Variants in MON2 observed in about 807,000 individuals in gnomAD.
MON2 encodes the protein MON2 regulator of endosome-to-Golgi trafficking.
In MON2, 84 loss-of-function variants were observed where a neutral mutation model predicts 208.6. The observed-to-expected ratio is 0.40, with a 90% CI of 0.34 to 0.48. The LOEUF (loss-of-function observed/expected upper bound fraction) is 0.48, where lower values mean the gene tolerates loss of function less well. MON2 is among the 20% of genes least tolerant of loss of function. MON2 has a pLI of 0.59. For synonymous variants in MON2, 660 were observed against 694.0 expected (o/e 0.95, Z 0.77); for missense variants, 1,611 against 2,015.4 (o/e 0.80, Z 3.84).
At chr12:62,509,437 A>G (rs1330005736) in intron 8 of MON2, among the ~76,000 whole-genome samples, 2 of 152,194 alleles carry the variant, frequency 1.3e-5, no homozygotes, top group Non-Finnish European at 2.9e-5. Flanking sequence ...AACAGACAAT[A>G]TAATAATAGT....
chr12:62,585,728 C>A, intron 33 of MON2: 1 of 349,360 alleles, frequency 2.9e-6, no homozygotes. Flanking sequence ...GATTATGTAA[C>A]ATATGATACA....
chr12:62,474,086 C>T (rs1301760670), intron 1 of MON2, among the ~76,000 whole-genome samples: 1 of 151,486 alleles, frequency 6.6e-6, no homozygotes, highest in Admixed American at 6.6e-5. Context: ...TTTTCACATG[C>T]GTCAGTAGAA....
chr12:62,512,057 T>C (rs1373065948), intron 8 of MON2, among the ~76,000 whole-genome samples: 20 of 152,100 alleles, frequency 1.3e-4, no homozygotes, highest in Admixed American at 1.3e-3. Context: ...GGGAAAGACC[T>C]GCCTCCCATG....
chr12:62,538,217 G>A (rs1438708321), intron 17 of MON2, 35 bp from the exon 18 acceptor site: 2 of 1,609,574 alleles, frequency 1.2e-6, no homozygotes, highest in Admixed American at 1.7e-5. Context: ...GCATCCCAAA[G>A]TGTCATATAT....
At chr12:62,508,023 G>T (rs1352666087) in intron 7 of MON2, among the ~76,000 whole-genome samples, 1 of 151,982 alleles carries the variant, frequency 6.6e-6, no homozygotes, top group Non-Finnish European at 1.5e-5. Context: ...CTCCCACCTT[G>T]GGCTCCCAAA....
rs750788327 is a variant in MON2 at position 62,578,521 on chromosome 12, A to T, written c.4575+16A>T. 2 of 1,470,068 alleles carry T rather than the reference A, an allele frequency of 1.4e-6. No individual in the cohort carries two copies. Among genetic ancestry groups the T allele is most frequent in the Admixed American group, 4.1e-5 (2 of 49,170 alleles). The allele number at this position is 1,470,068 out of a possible 1,614,324, so 91.1% of individuals were successfully genotyped here. On this transcript the variant is annotated intron_variant, in intron 31 of 34. Coordinates refer to ENST00000393630, the MANE Select transcript of MON2 (RefSeq NM_015026.3). ...TGATGTCGAGGTAAGGAGGCTATTT[A>T]AAATGTTTTCCTGTGACCATTTTTG...
At position 62,525,982 on chromosome 12, in the gene MON2, C is replaced by T; in HGVS notation, c.1280C>T (p.Pro427Leu). ...NNNLGGSVSAPANSGMVGIGG... is the reference protein window; with the variant it reads ...NNNLGGSVSALANSGMVGIGG... ...AATTTAGGTGGCTCAGTCTCAGCAC[C>T]AGCTAACTCAGGAATGGTGGGGATT... The change falls in exon 11 of 35, where the codon CCA becomes CTA. Residue 427 changes from proline (P) to leucine (L), a missense_variant. Pro to Leu is a moderately conservative substitution (Grantham distance 98). Coordinates refer to ENST00000393630, the MANE Select transcript of MON2 (RefSeq NM_015026.3). The T allele has an allele frequency of 6.2e-7, 1 of 1,613,808 alleles. No homozygotes were observed. The highest frequency in any genetic ancestry group is 1.1e-5 in the South Asian group (1 of 91,040).
chr12:62,563,829 A>G lies in MON2; in HGVS notation c.4033-1408A>G, dbSNP rs189556379. Among the ~76,000 whole-genome samples the G allele has an allele frequency of 2.6e-3, 397 of 152,242 alleles. 4 individuals carry two copies. Among genetic ancestry groups the G allele is most frequent in the African/African-American group, 9.0e-3 (374 of 41,566 alleles). ...ACTTAGTTTTCTCAGGTACCCACAT[A>G]GGTTTTTTGTTGTTGTTAGACATTG... On this transcript the variant is annotated intron_variant, in intron 26 of 34. Coordinates refer to ENST00000393630, the MANE Select transcript of MON2 (RefSeq NM_015026.3).
intron 33 of MON2, among the ~76,000 whole-genome samples, chr12:62,587,285 A>G (rs1312108656): frequency 6.6e-6 from 1 of 152,128 alleles, no homozygotes; most frequent in Non-Finnish European, 1.5e-5. Context: ...TTTTGAATAT[A>G]CTTTCAACAG....
chr12:62,560,423 G>A (rs1315134875), intron 25 of MON2, 68 bp from the exon 26 acceptor site: 1 of 1,442,736 alleles, frequency 6.9e-7, no homozygotes, highest in Non-Finnish European at 9.3e-7. Context: ...ATGCTTTCAA[G>A]TGTCTAATAT....
At chr12:62,545,194 A>C (rs1182956580) in intron 21 of MON2, among the ~76,000 whole-genome samples, 186 bp downstream of exon 21, 1 of 152,114 alleles carries the variant, frequency 6.6e-6, no homozygotes, top group Non-Finnish European at 1.5e-5. Flanking sequence ...TTTCATAAAA[A>C]ATTTTAAACA....
intron 34 of MON2, chr12:62,588,714 A>G: frequency 2.1e-6 from 1 of 486,232 alleles, no homozygotes; most frequent in East Asian, 3.4e-5. Context: ...TTTCCTACCA[A>G]ATTGCAAAGA....
Position 62,595,528 on chromosome 12 carries a change from A to G in MON2, c.*2779A>G, listed in dbSNP as rs543121229. 2.6e-5 allele frequency: 4 copies of G among 152,318 alleles called. No homozygotes were observed. The highest frequency in any genetic ancestry group is 9.6e-5 in the African/African-American group (4 of 41,560). 9.4% of individuals were successfully genotyped at this position (152,318 alleles called of 1,614,324 possible). ...ATTCATATTGCTGGACAACAGACAT[A>G]TGCCACCAATTGTATGATTAATAAA... is the stretch of plus-strand genomic sequence containing the variant. On this transcript the variant is annotated 3_prime_UTR_variant, in exon 35 of 35. Coordinates refer to ENST00000393630, the MANE Select transcript of MON2 (RefSeq NM_015026.3).
chr12:62,534,547 A>ATATATATATATTT (rs2072855186), intron 12 of MON2, among the ~76,000 whole-genome samples: 2 of 37,458 alleles, frequency 5.3e-5, no homozygotes, highest in Admixed American at 3.2e-4. Context: ...AAAAAAATAT[A>ATATATATATATTT]TATATATATA....
In MON2 at chr12:62,597,122, CAG is replaced by C. The variant is rs1203298306; in HGVS notation, c.*4374_*4375del. On this transcript the variant is annotated 3_prime_UTR_variant, in exon 35 of 35. Transcript: ENST00000393630. Reference sequence around the variant, plus strand: ...TTGAGTGTGGAGTTGATTTTAATGACAGGGTAATTCAAGTTGTTTGATAAATT... The same window carrying C: ...TTGAGTGTGGAGTTGATTTTAATGACGGTAATTCAAGTTGTTTGATAAATT... The C allele has an allele frequency of 6.6e-6, 1 of 152,182 alleles. No individual in the cohort carries two copies. Among genetic ancestry groups the C allele is most frequent in the African/African-American group, 2.4e-5 (1 of 41,430 alleles). The allele number at this position is 152,182 out of a possible 1,614,324, so 9.4% of individuals were successfully genotyped here.
At chr12:62,472,286 A>C (rs1041873279) in intron 1 of MON2, among the ~76,000 whole-genome samples, 7 of 152,200 alleles carry the variant, frequency 4.6e-5, no homozygotes, top group Non-Finnish European at 8.8e-5. Context: ...AATGGTGGGA[A>C]TATTGCATTT....
chr12:62,501,058 T>C (rs940840102), intron 6 of MON2, among the ~76,000 whole-genome samples, 178 bp downstream of exon 6: 5 of 152,128 alleles, frequency 3.3e-5, no homozygotes, highest in Non-Finnish European at 5.9e-5. Flanking sequence ...ATTAACATGA[T>C]AAAACGTTAT....
At chr12:62,537,503 C>G (rs890814859) in intron 15 of MON2, 99 bp from the exon 16 acceptor site, 2 of 916,334 alleles carry the variant, frequency 2.2e-6, no homozygotes, top group Non-Finnish European at 3.2e-6. Context: ...TTAATTTTTT[C>G]TTTAAAAAAA....
At chr12:62,590,699 T>C (rs2075371294) in intron 34 of MON2, among the ~76,000 whole-genome samples, 1 of 152,116 alleles carries the variant, frequency 6.6e-6, no homozygotes, top group African/African-American at 2.4e-5. Flanking sequence ...AATGAATATT[T>C]AGACAGAGTC....
Sources: gnomAD v4.1 joint callset for allele counts (sites outside exome capture counted in the v4.1 genomes callset) on GRCh38, gnomAD v4.1.1 for gene constraint, MANE v1.5 for transcripts, NCBI Gene and HGNC (gene_info 2026-07-23, HGNC 2026-07-21) for gene names.